BIRC6: variants seen among roughly 807,000 people sequenced by gnomAD.
BIRC6 encodes baculoviral IAP repeat containing 6.
Under a neutral mutation model 503.3 loss-of-function variants are expected in BIRC6, and 98 were observed. The ratio of observed to expected loss-of-function variants is 0.19; its 90% CI spans 0.17 to 0.23. The LOEUF (loss-of-function observed/expected upper bound fraction) is 0.23, where lower values mean the gene tolerates loss of function less well. Among genes scored for constraint, BIRC6 ranks in the 10% least tolerant of loss-of-function variants. The pLI, the probability that BIRC6 is intolerant of heterozygous loss-of-function variation, is 1.00. For synonymous variants in BIRC6, 2,240 were observed against 2,078.7 expected (o/e 1.08, Z -2.11); for missense variants, 5,360 against 5,806.0 (o/e 0.92, Z 2.50).
At chr2:32,616,353 T>C (rs1366548783) in intron 73 of BIRC6, among the ~76,000 whole-genome samples, 2 of 151,234 alleles carry the variant, frequency 1.3e-5, no homozygotes, top group Non-Finnish European at 2.9e-5. Flanking sequence ...AGATTAGGAG[T>C]TCGAGACCAG....
At chr2:32,363,422 C>A (rs1471183868) in intron 1 of BIRC6, among the ~76,000 whole-genome samples, 1 of 151,866 alleles carries the variant, frequency 6.6e-6, no homozygotes, top group Admixed American at 6.6e-5. Context: ...CTTTGAACTT[C>A]CTAAGGTTTT....
At chr2:32,596,996 C>T (rs1233888380) in intron 68 of BIRC6, among the ~76,000 whole-genome samples, 1 of 152,198 alleles carries the variant, frequency 6.6e-6, no homozygotes, top group Non-Finnish European at 1.5e-5. Flanking sequence ...AAATCATAAA[C>T]TCTCCAAGTA....
At chr2:32,479,052 A>G (rs896296119) in intron 36 of BIRC6, among the ~76,000 whole-genome samples, 5 of 152,228 alleles carry the variant, frequency 3.3e-5, no homozygotes, top group Non-Finnish European at 7.3e-5. Context: ...TGGGTTGTTA[A>G]AGTGCATGAA....
intron 71 of BIRC6, among the ~76,000 whole-genome samples, chr2:32,606,418 T>C (rs2062456072): frequency 6.6e-6 from 1 of 151,302 alleles, no homozygotes; most frequent in East Asian, 2.0e-4. Flanking sequence ...CAAAACCCCG[T>C]CTCTACTAAA....
intron 61 of BIRC6, chr2:32,532,393 G>T (rs1340318442): frequency 5.0e-6 from 2 of 397,062 alleles, no homozygotes; most frequent in Non-Finnish European, 1.0e-5. Context: ...GTTGCCAGTA[G>T]TTCTTGCTGT....
intron 24 of BIRC6, 143 bp from the exon 25 acceptor site, chr2:32,464,366 C>A (rs1034079267): frequency 1.9e-6 from 2 of 1,066,728 alleles, no homozygotes; most frequent in African/African-American, 3.2e-5. Flanking sequence ...CCATTTATAT[C>A]GAGTCCAGTT....
chr2:32,562,746 G>T (rs1437910866), intron 65 of BIRC6, among the ~76,000 whole-genome samples: 5 of 152,016 alleles, frequency 3.3e-5, no homozygotes, highest in African/African-American at 1.2e-4. Context: ...TTTAAGTTTT[G>T]TCCATGTGTT....
At chr2:32,570,619 A>G (rs2059850557) in intron 65 of BIRC6, among the ~76,000 whole-genome samples, 1 of 149,460 alleles carries the variant, frequency 6.7e-6, no homozygotes, top group Non-Finnish European at 1.5e-5. Flanking sequence ...CTGCCTCAGC[A>G]CCCCCAAGTA....
intron 65 of BIRC6, among the ~76,000 whole-genome samples, chr2:32,550,557 A>C (rs2058355590): frequency 6.6e-6 from 1 of 152,070 alleles, no homozygotes; most frequent in Admixed American, 6.6e-5. Flanking sequence ...TATACATTTT[A>C]ATTTTAGATT....
chr2:32,469,621 C>A lies in BIRC6; in HGVS notation c.6347+7C>A. ...TCATCTTTCCACAGGATAGGTAGGTCAGAAAATGTTGGAGGTATTTGTTAT... is the reference window on the plus strand; with the variant it reads ...TCATCTTTCCACAGGATAGGTAGGTAAGAAAATGTTGGAGGTATTTGTTAT... On this transcript the variant is annotated splice_region_variant and intron_variant, in intron 30 of 73. Transcript: ENST00000421745. 1 of 1,594,980 alleles carries A rather than the reference C, an allele frequency of 6.3e-7. No individual in the cohort carries two copies. Among genetic ancestry groups the A allele is most frequent in the South Asian group, 1.1e-5 (1 of 88,888 alleles).
chr2:32,357,810 G>A lies in BIRC6; in HGVS notation c.325+324G>A, dbSNP rs2033346820. Reference sequence around the variant, plus strand: ...CTTGGCACCGGAGGAAGCGAGGCCCGGGTAGGCCCTGGAGAGGCTGTCGGT... The same window carrying A: ...CTTGGCACCGGAGGAAGCGAGGCCCAGGTAGGCCCTGGAGAGGCTGTCGGT... On this transcript the variant is annotated intron_variant, in intron 1 of 73. Transcript: ENST00000421745. This position sits in a 1 kb window ranked among gnomAD's most constrained non-coding sequence, Gnocchi z 4.9. Among the ~76,000 whole-genome samples the A allele has an allele frequency of 6.6e-6, 1 of 152,122 alleles. No homozygotes were observed. Among genetic ancestry groups the A allele is most frequent in the Non-Finnish European group, 1.5e-5 (1 of 68,010 alleles).
At chr2:32,371,382 AT>A (rs962340224) in intron 1 of BIRC6, among the ~76,000 whole-genome samples, 6 of 150,150 alleles carry the variant, frequency 4.0e-5, no homozygotes, top group East Asian at 2.0e-4. Flanking sequence ...TATTAGTATT[AT>A]TTTTTTTTGG....
chr2:32,513,304 G>C (rs2054623838), intron 54 of BIRC6, 150 bp downstream of exon 54: 2 of 633,032 alleles, frequency 3.2e-6, no homozygotes, highest in Non-Finnish European at 5.4e-6. Flanking sequence ...GAAATGAATT[G>C]TCAAATATTA....
chr2:32,456,301 A>G (rs759067610), intron 23 of BIRC6, among the ~76,000 whole-genome samples: 4 of 152,204 alleles, frequency 2.6e-5, no homozygotes, highest in Non-Finnish European at 4.4e-5. Context: ...CTTCTTTTCA[A>G]TCCTATGATT....
chr2:32,492,576 T>C (rs1014643593), intron 44 of BIRC6, among the ~76,000 whole-genome samples: 7 of 152,084 alleles, frequency 4.6e-5, no homozygotes, highest in African/African-American at 1.7e-4. Flanking sequence ...TAAGAAAACA[T>C]GCATCAGCTA....
chr2:32,569,974 G>T (rs1243895528), intron 65 of BIRC6, among the ~76,000 whole-genome samples: 1 of 152,008 alleles, frequency 6.6e-6, no homozygotes. Context: ...AATAAGAGTG[G>T]TGAAAATGAG....
intron 66 of BIRC6, among the ~76,000 whole-genome samples, chr2:32,589,691 A>G (rs143502903): frequency 3.3e-4 from 51 of 152,248 alleles, no homozygotes; most frequent in African/African-American, 8.2e-4. Context: ...CAGATAGGCA[A>G]ATATTTATTT....
intron 61 of BIRC6, among the ~76,000 whole-genome samples, chr2:32,542,478 G>A (rs949727511): frequency 5.3e-5 from 8 of 152,146 alleles, no homozygotes; most frequent in African/African-American, 1.7e-4. Context: ...AATAAAGTTA[G>A]AATCTATACT....
intron 21 of BIRC6, among the ~76,000 whole-genome samples, chr2:32,446,015 C>G (rs1011399124): frequency 1.3e-5 from 2 of 151,896 alleles, no homozygotes; most frequent in African/African-American, 4.8e-5. Flanking sequence ...GCACCACAGG[C>G]CTGGCTAATT....
Sources: gnomAD v4.1 joint callset for allele counts (sites outside exome capture counted in the v4.1 genomes callset) on GRCh38, gnomAD v4.1.1 for gene constraint, Gnocchi (gnomAD v3.1) non-coding constraint, MANE v1.5 for transcripts, NCBI Gene and HGNC (gene_info 2026-07-23, HGNC 2026-07-21) for gene names.